KDM6A: variants seen among roughly 807,000 people sequenced by gnomAD.
KDM6A encodes lysine demethylase 6A.
A neutral mutation model predicts 117.6 loss-of-function variants in KDM6A; 11 were observed. The ratio of observed to expected loss-of-function variants is 0.09; its 90% CI spans 0.06 to 0.15. The LOEUF is 0.15. Ranked by LOEUF, KDM6A falls within the 10% of genes least tolerant of loss-of-function variation. The pLI is 1.00. For synonymous variants in KDM6A, 384 were observed against 396.1 expected (o/e 0.97, Z 0.36); for missense variants, 799 against 1,077.3 (o/e 0.74, Z 3.62).
At chrX:45,033,419 A>C (rs1443068132) in intron 6 of KDM6A, among the ~76,000 whole-genome samples, 1 of 111,587 alleles carries the variant, frequency 9.0e-6, no homozygotes, top group Non-Finnish European at 1.9e-5. Flanking sequence ...TATTTTGTTG[A>C]CCATTGCATC....
intron 5 of KDM6A, among the ~76,000 whole-genome samples, chrX:45,016,323 G>T (rs2041956609): frequency 9.0e-6 from 1 of 111,121 alleles, no homozygotes; most frequent in Non-Finnish European, 1.9e-5. Flanking sequence ...AACTAAATTA[G>T]AGCTAAAATA....
intron 2 of KDM6A, among the ~76,000 whole-genome samples, chrX:44,912,087 TTTTG>T (rs1312380752): frequency 9.2e-5 from 10 of 108,117 alleles, no homozygotes; most frequent in Admixed American, 2.9e-4. Context: ...TAAACTTTTT[TTTTG>T]TTTGTTTGTT....
chrX:45,005,556 T>C (rs1341961896), intron 4 of KDM6A, among the ~76,000 whole-genome samples: 1 of 111,684 alleles, frequency 9.0e-6, no homozygotes, highest in East Asian at 2.8e-4. Flanking sequence ...GGCCAGAAGA[T>C]TGAGGGTTTG....
intron 17 of KDM6A, among the ~76,000 whole-genome samples, chrX:45,065,634 G>T (rs1451870489): frequency 8.9e-6 from 1 of 111,879 alleles, no homozygotes; most frequent in East Asian, 2.8e-4. Flanking sequence ...AGGATTAGTT[G>T]ATATAGAGTG....
At chrX:45,036,414 A>G (rs1336000387) in intron 7 of KDM6A, among the ~76,000 whole-genome samples, 1 of 112,399 alleles carries the variant, frequency 8.9e-6, no homozygotes, top group East Asian at 2.8e-4. Flanking sequence ...ATTATGTCAT[A>G]CTTTTACTAA....
intron 27 of KDM6A, among the ~76,000 whole-genome samples, chrX:45,105,255 CTT>C (rs1193369465): frequency 8.9e-6 from 1 of 112,035 alleles, no homozygotes; most frequent in African/African-American, 3.2e-5. Context: ...ATTAGACAAA[CTT>C]AACTTCTCTG....
intron 2 of KDM6A, among the ~76,000 whole-genome samples, 156 bp downstream of exon 2, chrX:44,874,143 C>G (rs753573059): frequency 1.8e-5 from 2 of 111,813 alleles, no homozygotes; most frequent in Non-Finnish European, 3.8e-5. Flanking sequence ...CCCCCACCCC[C>G]GGGTACCCTG....
intron 8 of KDM6A, among the ~76,000 whole-genome samples, chrX:45,044,256 A>G (rs1448698710): frequency 8.9e-6 from 1 of 111,898 alleles, no homozygotes; most frequent in Non-Finnish European, 1.9e-5. Context: ...CTGTTTTATT[A>G]GCTGGGACCT....
intron 27 of KDM6A, among the ~76,000 whole-genome samples, chrX:45,093,728 C>G (rs148554938): frequency 3.6e-5 from 4 of 110,889 alleles, no homozygotes; most frequent in Non-Finnish European, 5.7e-5. Flanking sequence ...CCTCAATATT[C>G]TTGATACCCT....
intron 4 of KDM6A, among the ~76,000 whole-genome samples, chrX:45,007,145 G>T (rs2041535752): frequency 3.6e-5 from 4 of 111,429 alleles, no homozygotes; most frequent in Non-Finnish European, 7.5e-5. Context: ...TGACTTTCCG[G>T]AGAGCCAAAG....
At chrX:45,013,178 G>A (rs2041837799) in intron 5 of KDM6A, among the ~76,000 whole-genome samples, 1 of 111,464 alleles carries the variant, frequency 9.0e-6, no homozygotes, top group African/African-American at 3.3e-5. Context: ...CTGTTGAGTG[G>A]CAGAAGCAAG....
At chrX:44,985,181 A>G (rs2040144659) in intron 4 of KDM6A, among the ~76,000 whole-genome samples, 1 of 110,920 alleles carries the variant, frequency 9.0e-6, no homozygotes, top group Non-Finnish European at 1.9e-5. Flanking sequence ...GCAATTGTGA[A>G]TGGGAGTTCA....
chrX:45,110,315 A>G (rs2148309798), intron 29 of KDM6A, 66 bp downstream of exon 29: 1 of 953,555 alleles, frequency 1.0e-6, no homozygotes, highest in African/African-American at 1.9e-5. Flanking sequence ...TTGCTCTGCC[A>G]CCTGATAAGT....
chrX:44,901,702 C>T (rs763791966), intron 2 of KDM6A, among the ~76,000 whole-genome samples: 63 of 111,216 alleles, frequency 5.7e-4, no homozygotes, highest in African/African-American at 1.9e-3. Context: ...TTCTGTGTCC[C>T]TAGTAACAAT....
At chrX:45,088,959 A>G (rs898000336) in intron 25 of KDM6A, among the ~76,000 whole-genome samples, 1 of 112,147 alleles carries the variant, frequency 8.9e-6, no homozygotes, top group Non-Finnish European at 1.9e-5. Context: ...TCATCAAACT[A>G]TATGGAGTCT....
intron 2 of KDM6A, among the ~76,000 whole-genome samples, chrX:44,893,071 A>G (rs1158078192): frequency 1.8e-5 from 2 of 108,462 alleles, no homozygotes; most frequent in African/African-American, 6.7e-5. Flanking sequence ...GCTACTTGGT[A>G]GGCTGAGGCA....
intron 4 of KDM6A, among the ~76,000 whole-genome samples, chrX:45,004,430 G>A (rs747361733): frequency 1.8e-5 from 2 of 111,462 alleles, no homozygotes; most frequent in Admixed American, 9.5e-5. Flanking sequence ...TCCCTGAGAA[G>A]CTCACTTAGG....
intron 2 of KDM6A, among the ~76,000 whole-genome samples, chrX:44,922,887 T>G (rs985785577): frequency 9.3e-6 from 1 of 108,092 alleles, no homozygotes; most frequent in African/African-American, 3.6e-5. Flanking sequence ...TATGTAGATT[T>G]AAATTTGCCT....
Position 44,992,401 on chromosome X carries a change from TTTAGTAGAGA to T in KDM6A, c.384+17688_384+17697del, listed in dbSNP as rs2040657856. On this transcript the variant is annotated intron_variant, in intron 4 of 29. Coordinates refer to ENST00000611820, the MANE Select transcript of KDM6A (RefSeq NM_001291415.2). ...CACCACTTCTGGCTAATTTTGTATT[TTTAGTAGAGA>T]TGGGGTTTCTCCATGTTGGTCAGGC... 3.7e-5 allele frequency among the ~76,000 whole-genome samples: 4 copies of T among 107,897 alleles called. No homozygotes were observed. In the South Asian group the frequency reaches 1.6e-3, roughly 44 times the overall value. 93.7% of individuals were successfully genotyped at this position (107,897 alleles called of 115,157 possible).
Sources: allele counts gnomAD v4.1 joint callset (sites outside exome capture counted in the v4.1 genomes callset), GRCh38; gene constraint gnomAD v4.1.1; transcripts MANE v1.5; gene names NCBI Gene and HGNC (gene_info 2026-07-23, HGNC 2026-07-21).